SPG11: variants seen among roughly 807,000 people sequenced by gnomAD.
SPG11 encodes spatacsin.
A neutral mutation model predicts 274.0 loss-of-function variants in SPG11; 222 were observed. The ratio of observed to expected loss-of-function variants is 0.81; its 90% confidence interval spans 0.73 to 0.91. The LOEUF (loss-of-function observed/expected upper bound fraction) is 0.91. Among genes scored for constraint, SPG11 ranks in the 40% least tolerant of loss-of-function variants. The pLI, the probability that SPG11 is intolerant of heterozygous loss-of-function variation, is 0.00. For synonymous variants in SPG11, 1,144 were observed against 1,039.7 expected (o/e 1.10, Z -1.93); for missense variants, 3,114 against 2,872.7 (o/e 1.08, Z -1.92).
At chr15:44,579,372 C>T (rs117967613) in intron 30 of SPG11, among the ~76,000 whole-genome samples, 2,415 of 150,182 alleles carry the variant, frequency 0.016, 165 homozygotes, top group Admixed American at 0.12. Flanking sequence ...TAAAAATACA[C>T]AAACACACAA....
At chr15:44,579,262 C>T (rs893272487) in intron 30 of SPG11, among the ~76,000 whole-genome samples, 13 of 146,186 alleles carry the variant, frequency 8.9e-5, no homozygotes, top group African/African-American at 3.3e-4. Flanking sequence ...TGGTGGCTCA[C>T]GCCTGTAATC....
intron 3 of SPG11, among the ~76,000 whole-genome samples, chr15:44,658,030 A>C (rs1323948310): frequency 1.3e-5 from 2 of 152,148 alleles, no homozygotes; most frequent in African/African-American, 4.8e-5. Flanking sequence ...GTCTCAGGAG[A>C]AGAAAAAAAA....
At chr15:44,632,838 C>T (rs917975192) in intron 8 of SPG11, among the ~76,000 whole-genome samples, 2 of 152,114 alleles carry the variant, frequency 1.3e-5, no homozygotes, top group African/African-American at 4.8e-5. Context: ...TAATCCACAA[C>T]TCAGAAAGCC....
In SPG11 at chr15:44,659,118, T is replaced by C; in HGVS notation, c.628A>G (p.Arg210Gly). Reference sequence around the variant, plus strand: ...CTACTCAAAACAAAAAGAATTCCTCTGCAGAGCTGCGTGTCAATAATCATG... The same window carrying C: ...CTACTCAAAACAAAAAGAATTCCTCCGCAGAGCTGCGTGTCAATAATCATG... ...VDMIIDTQLCRGILFVLSSLG... is the reference protein window; with the variant it reads ...VDMIIDTQLCGGILFVLSSLG... Residue 210 changes from arginine to glycine, a missense_variant, in exon 3 of 40, where the codon AGA becomes GGA. Coordinates refer to ENST00000261866, the MANE Select transcript of SPG11 (RefSeq NM_025137.4). 1 of 1,614,098 alleles carries C rather than the reference T, an allele frequency of 6.2e-7. No homozygotes were observed. Among genetic ancestry groups the C allele is most frequent in the East Asian group, 2.2e-5 (1 of 44,892 alleles).
chr15:44,576,142 C>CAAAAAA (rs201558800), intron 30 of SPG11, among the ~76,000 whole-genome samples: 27 of 43,044 alleles, frequency 6.3e-4, no homozygotes, highest in Admixed American at 1.5e-3. Flanking sequence ...AACTCCATCT[C>CAAAAAA]AAAAAAAAAA....
Position 44,663,614 on chromosome 15 carries a change from A to T in SPG11, c.34T>A (p.Ser12Thr). ...GCGGTGCCCCAGCTACCGCCGGCGG[A>T]AGCAGCACTCGCGACCCCTTCCTCT... is the stretch of plus-strand genomic sequence containing the variant. ...AAEEGVASAA[S>T]AGGSWGTAAM... Residue 12 changes from serine (S) to threonine (T), a missense_variant, in exon 1 of 40, where the codon TCC (serine) becomes ACC (threonine). Physicochemically the swap from Ser to Thr is moderately conservative, Grantham distance 58. Transcript: ENST00000261866. The T allele has an allele frequency of 1.3e-6, 2 of 1,596,708 alleles. No homozygotes were observed. The highest frequency in any genetic ancestry group is 1.7e-6 in the Non-Finnish European group (2 of 1,176,014).
At position 44,563,078 on chromosome 15, in the gene SPG11, G is replaced by A. The variant is rs1405495798; in HGVS notation, c.*43C>T. 1 of 1,587,634 alleles carries A rather than the reference G, an allele frequency of 6.3e-7. No homozygotes were observed. The highest frequency in any genetic ancestry group is 2.2e-5 in the East Asian group (1 of 44,742). On this transcript the variant is annotated 3_prime_UTR_variant, in exon 40 of 40. Transcript: ENST00000261866. ...ATTCTTCTTCTCATCACATCTGTCA[G>A]AATCTGCTAACAGTACAAGAAAACA...
chr15:44,563,005 T>C lies in SPG11; in HGVS notation c.*116A>G, dbSNP rs533661641. The C allele has an allele frequency of 2.0e-6, 2 of 1,013,754 alleles. No individual in the cohort carries two copies. Among genetic ancestry groups the C allele is most frequent in the African/African-American group, 3.2e-5 (2 of 62,830 alleles). The allele number at this position is 1,013,754 out of a possible 1,614,324, so 62.8% of individuals were successfully genotyped here. A position where few individuals can be genotyped will look rare whatever the true frequency, so the allele number is the denominator to read the frequency against. ...CTACCTACTACCCACAAAGGACTGA[T>C]ATGGTACAGTACCGGGATTGTTCAA... On this transcript the variant is annotated 3_prime_UTR_variant, in exon 40 of 40. Transcript: ENST00000261866.
At chr15:44,597,809 A>C (rs2083082764) in intron 23 of SPG11, among the ~76,000 whole-genome samples, 1 of 152,242 alleles carries the variant, frequency 6.6e-6, no homozygotes, top group Non-Finnish European at 1.5e-5. Context: ...ACATACGGTC[A>C]CTTCAGCTTC....
intron 7 of SPG11, among the ~76,000 whole-genome samples, chr15:44,640,037 CG>C (rs2084394854): frequency 6.6e-6 from 1 of 152,006 alleles, no homozygotes. Context: ...AGTGAAACCC[CG>C]TCTCTACTAA....
intron 28 of SPG11, chr15:44,588,673 A>G: frequency 2.3e-6 from 1 of 429,652 alleles, no homozygotes; most frequent in Non-Finnish European, 4.7e-6. Flanking sequence ...ATAACAAGGG[A>G]ATGTGGGGAA....
At chr15:44,571,622 C>T (rs184291523) in intron 33 of SPG11, among the ~76,000 whole-genome samples, 27 of 151,674 alleles carry the variant, frequency 1.8e-4, no homozygotes, top group Non-Finnish European at 3.2e-4. Flanking sequence ...TTCAGCCTCC[C>T]GAGTAGCTGG....
At chr15:44,618,941 C>T (rs1434487588) in intron 15 of SPG11, among the ~76,000 whole-genome samples, 1 of 152,074 alleles carries the variant, frequency 6.6e-6, no homozygotes, top group Non-Finnish European at 1.5e-5. Context: ...TGATTTTTCC[C>T]CTTTAATCTG....
At position 44,572,786 on chromosome 15, in the gene SPG11, G is replaced by A. The variant is rs201328014; in HGVS notation, c.6240C>T (p.Ser2080=). 5 of 1,614,006 alleles carry A rather than the reference G, an allele frequency of 3.1e-6. No individual in the cohort carries two copies. The highest frequency in any genetic ancestry group is 2.2e-5 in the East Asian group (1 of 44,864). Residue 2080 remains serine (S), a synonymous_variant, in exon 33 of 40, where the codon AGC becomes AGT. Coordinates refer to ENST00000261866, the MANE Select transcript of SPG11 (RefSeq NM_025137.4). ...HKQMFNPTEE[S]QTFLQLTTLC... is the part of the protein sequence containing the mutation. ...GAGTGGTCAGCTGAAGAAATGTCTG[G>A]CTTTCCTCTGTTGGGTTGAACATCT...
intron 7 of SPG11, among the ~76,000 whole-genome samples, chr15:44,635,917 TAA>T (rs560952946): frequency 3.1e-5 from 4 of 130,900 alleles, no homozygotes; most frequent in Non-Finnish European, 3.3e-5. Flanking sequence ...ACTCCACCTA[TAA>T]AAAAAAAAAA....
intron 1 of SPG11, among the ~76,000 whole-genome samples, chr15:44,662,611 G>A (rs376271903): frequency 1.4e-5 from 2 of 140,378 alleles, no homozygotes; most frequent in African/African-American, 2.7e-5. Context: ...CCGTGACTGA[G>A]CCACTACACT....
intron 33 of SPG11, among the ~76,000 whole-genome samples, chr15:44,571,718 C>T (rs934792740): frequency 1.3e-5 from 2 of 151,920 alleles, no homozygotes; most frequent in African/African-American, 4.8e-5. Flanking sequence ...AGGATGATCT[C>T]GATCTCCTGA....
intron 20 of SPG11, among the ~76,000 whole-genome samples, chr15:44,600,893 C>T (rs1226423488): frequency 1.3e-5 from 2 of 152,204 alleles, no homozygotes; most frequent in South Asian, 2.1e-4. Context: ...GTGGCTCACG[C>T]CTGTAATCCC....
Position 44,600,642 on chromosome 15 carries a change from A to G in SPG11, c.3521-10T>C. 1 of 1,612,900 alleles carries G rather than the reference A, an allele frequency of 6.2e-7. No individual in the cohort carries two copies. The highest frequency in any genetic ancestry group is 8.5e-7 in the Non-Finnish European group (1 of 1,179,044). On this transcript the variant is annotated splice_polypyrimidine_tract_variant and intron_variant, in intron 20 of 39. Coordinates refer to ENST00000261866, the MANE Select transcript of SPG11 (RefSeq NM_025137.4). The stretch of plus-strand genomic sequence containing the variant: ...AGATGACTCCATGCATCTAGGGGGA[A>G]AGTAAAACAATATTAATTATCTGTA...
Sources: gnomAD v4.1 joint callset for allele counts (sites outside exome capture counted in the v4.1 genomes callset) on GRCh38, gnomAD v4.1.1 for gene constraint, MANE v1.5 for transcripts, NCBI Gene and HGNC (gene_info 2026-07-23, HGNC 2026-07-21) for gene names.